The following PTPRG variants were observed in gnomAD, a reference collection of about 807,000 sequenced individuals.
PTPRG encodes the protein protein tyrosine phosphatase receptor type G, also known as receptor-type tyrosine-protein phosphatase gamma.
PTPRG carries 102 observed loss-of-function variants against 165.3 expected under a neutral mutation model. The ratio of observed to expected loss-of-function variants is 0.62; its 90% confidence interval spans 0.53 to 0.73. PTPRG has a LOEUF of 0.73. PTPRG is among the 30% of genes least tolerant of loss of function. The pLI is 0.00. For synonymous variants in PTPRG, 675 were observed against 669.5 expected (o/e 1.01, Z -0.13); for missense variants, 1,866 against 1,861.4 (o/e 1.00, Z -0.05).
At chr3:61,676,109 G>A (rs1377771668) in intron 1 of PTPRG, among the ~76,000 whole-genome samples, 1 of 152,030 alleles carries the variant, frequency 6.6e-6, no homozygotes, top group Admixed American at 6.6e-5. Flanking sequence ...GAAGATACTG[G>A]CTAGTATTTC....
chr3:61,749,434 T>A, intron 2 of PTPRG: 1 of 282,154 alleles, frequency 3.5e-6, no homozygotes, highest in Non-Finnish European at 6.9e-6. Flanking sequence ...AAATCACATC[T>A]TGTTCTTTGA....
intron 2 of PTPRG, among the ~76,000 whole-genome samples, chr3:61,921,861 AAGC>A (rs2039085768): frequency 6.6e-6 from 1 of 152,204 alleles, no homozygotes; most frequent in Non-Finnish European, 1.5e-5. Context: ...GTGAAGCAAA[AAGC>A]AGAGTTTATG....
At chr3:62,079,806 G>A (rs1436708543) in intron 5 of PTPRG, among the ~76,000 whole-genome samples, 1 of 152,164 alleles carries the variant, frequency 6.6e-6, no homozygotes, top group East Asian at 1.9e-4. Flanking sequence ...TTCAATCTCA[G>A]TATCCTTATC....
chr3:61,836,937 G>C (rs1321347927), intron 2 of PTPRG, among the ~76,000 whole-genome samples: 1 of 151,648 alleles, frequency 6.6e-6, no homozygotes, highest in Non-Finnish European at 1.5e-5. Flanking sequence ...TTGAGATGGA[G>C]TCTTGCTCAG....
chr3:61,913,902 T>C (rs534570917), intron 2 of PTPRG, among the ~76,000 whole-genome samples: 2 of 152,334 alleles, frequency 1.3e-5, no homozygotes, highest in Non-Finnish European at 2.9e-5. Context: ...TAAAGCTGTG[T>C]AAACTGAGAG....
rs144912800 is a variant in PTPRG at position 61,974,698 on chromosome 3, A to G, written c.191-14927A>G. On this transcript the variant is annotated intron_variant, in intron 2 of 29. Coordinates refer to ENST00000474889, the MANE Select transcript of PTPRG (RefSeq NM_002841.4). ...AGCTTTGTGCCCCACCTAAAAACATATGATTCTATTGGAAACGTTGGTACT... is the reference window on the plus strand; with the variant it reads ...AGCTTTGTGCCCCACCTAAAAACATGTGATTCTATTGGAAACGTTGGTACT... Among the ~76,000 whole-genome samples, 16 of 152,296 alleles carry G rather than the reference A, an allele frequency of 1.1e-4. No homozygotes were observed. The East Asian group carries it at 1.7e-3, about 17-fold the overall frequency.
chr3:62,095,128 A>T (rs1702067158), intron 5 of PTPRG, among the ~76,000 whole-genome samples: 1 of 152,226 alleles, frequency 6.6e-6, no homozygotes, highest in Non-Finnish European at 1.5e-5. Context: ...CATCCTTGTT[A>T]TGAAAGCTTC....
intron 4 of PTPRG, among the ~76,000 whole-genome samples, chr3:62,049,622 T>A (rs946485695): frequency 6.6e-6 from 1 of 152,198 alleles, no homozygotes; most frequent in Non-Finnish European, 1.5e-5. Flanking sequence ...TGGGTGGTAA[T>A]TTGTTTTTGA....
At chr3:62,115,833 G>C (rs958731411) in intron 5 of PTPRG, among the ~76,000 whole-genome samples, 2 of 151,848 alleles carry the variant, frequency 1.3e-5, no homozygotes, top group Non-Finnish European at 2.9e-5. Flanking sequence ...CACCACTCCT[G>C]ACCCCAAGGC....
At chr3:62,266,753 A>AATT (rs1399712129) in intron 17 of PTPRG, among the ~76,000 whole-genome samples, 1 of 150,192 alleles carries the variant, frequency 6.7e-6, no homozygotes, top group East Asian at 1.9e-4. Flanking sequence ...GGGAAAATAA[A>AATT]ATTATAACCT....
At chr3:61,793,665 A>G (rs1418088945) in intron 2 of PTPRG, among the ~76,000 whole-genome samples, 1 of 152,218 alleles carries the variant, frequency 6.6e-6, no homozygotes, top group African/African-American at 2.4e-5. Flanking sequence ...AATAATAACA[A>G]GCTATTCTTA....
intron 4 of PTPRG, among the ~76,000 whole-genome samples, chr3:62,038,801 T>C (rs1054427104): frequency 3.3e-5 from 5 of 152,216 alleles, no homozygotes; most frequent in African/African-American, 7.2e-5. Context: ...ACTTCCTCTA[T>C]TTTTTAATTT....
chr3:62,177,566 C>T (rs1705472023), intron 8 of PTPRG, among the ~76,000 whole-genome samples: 1 of 152,178 alleles, frequency 6.6e-6, no homozygotes, highest in Non-Finnish European at 1.5e-5. Context: ...CAAAACCTTT[C>T]TGATGAAATG....
chr3:61,980,026 T>C lies in PTPRG; in HGVS notation c.191-9599T>C, dbSNP rs147512315. Reference sequence around the variant, plus strand: ...AACTCCCAAATTCTGTCTCTGGGAATTTTTCCCTTTTCCTACTTGTGATTG... The same window carrying C: ...AACTCCCAAATTCTGTCTCTGGGAACTTTTCCCTTTTCCTACTTGTGATTG... On this transcript the variant is annotated intron_variant, in intron 2 of 29. Transcript: ENST00000474889. 4.6e-5 allele frequency among the ~76,000 whole-genome samples: 7 copies of C among 152,274 alleles called. No individual in the cohort carries two copies. The East Asian group carries it at 1.4e-3, about 29-fold the overall frequency.
intron 1 of PTPRG, among the ~76,000 whole-genome samples, chr3:61,683,661 C>T (rs571509625): frequency 2.7e-4 from 41 of 152,286 alleles, no homozygotes; most frequent in African/African-American, 9.1e-4. Context: ...TCCTTTCTTC[C>T]GTTTGATATA....
At chr3:61,650,534 G>A (rs986658498) in intron 1 of PTPRG, among the ~76,000 whole-genome samples, 2 of 152,164 alleles carry the variant, frequency 1.3e-5, no homozygotes, top group Admixed American at 1.3e-4. Flanking sequence ...ATGTGCCTGC[G>A]GTTTTCACAG....
chr3:61,731,164 C>T (rs368901108), intron 1 of PTPRG, among the ~76,000 whole-genome samples: 4 of 152,026 alleles, frequency 2.6e-5, no homozygotes, highest in Admixed American at 2.0e-4. Flanking sequence ...TTTTTACCCC[C>T]GTTGAGTTAG....
At chr3:61,815,837 A>G (rs754291575) in intron 2 of PTPRG, among the ~76,000 whole-genome samples, 14 of 152,224 alleles carry the variant, frequency 9.2e-5, no homozygotes, top group Non-Finnish European at 1.5e-4. Flanking sequence ...ATACAGCAGA[A>G]CATGTTCCTC....
chr3:61,627,431 A>C (rs1701644050), intron 1 of PTPRG, among the ~76,000 whole-genome samples: 1 of 152,202 alleles, frequency 6.6e-6, no homozygotes, highest in Non-Finnish European at 1.5e-5. Flanking sequence ...TTAAAACATA[A>C]TGACTTACCT....
Sources: gnomAD v4.1 joint callset for allele counts (sites outside exome capture counted in the v4.1 genomes callset) on GRCh38, gnomAD v4.1.1 for gene constraint, MANE v1.5 for transcripts, NCBI Gene and HGNC (gene_info 2026-07-23, HGNC 2026-07-21) for gene names.